Variants in LAPTM4A observed in about 807,000 individuals in gnomAD.
LAPTM4A encodes lysosomal-associated transmembrane protein 4A.
LAPTM4A carries 19 observed loss-of-function variants against 29.9 expected under a neutral mutation model. The ratio of observed to expected loss-of-function variants is 0.64; its 90% CI spans 0.44 to 0.93. LAPTM4A has a LOEUF of 0.93. Among genes scored for constraint, LAPTM4A ranks in the 40% least tolerant of loss-of-function variants. The pLI is 0.00. For missense variants in LAPTM4A, 293 were observed against 288.5 expected, an observed-to-expected ratio of 1.02 and a Z score of -0.11; for synonymous variants, 105 against 102.1, an observed-to-expected ratio of 1.03 and a Z score of -0.17.
intron 1 of LAPTM4A, among the ~76,000 whole-genome samples, chr2:20,041,816 G>A (rs561058359): frequency 4.6e-5 from 7 of 152,238 alleles, no homozygotes; most frequent in South Asian, 4.1e-4. Flanking sequence ...TATTACAGGC[G>A]TGAGCCACCA....
At chr2:20,048,982 CA>C (rs1387557069) in intron 1 of LAPTM4A, among the ~76,000 whole-genome samples, 1 of 152,182 alleles carries the variant, frequency 6.6e-6, no homozygotes, top group Admixed American at 6.5e-5. Context: ...TGAAAGTCAT[CA>C]ACAAAACTAT....
chr2:20,035,328 T>C (rs1365807416), intron 4 of LAPTM4A: 1 of 395,922 alleles, frequency 2.5e-6, no homozygotes, highest in Non-Finnish European at 4.7e-6. Context: ...CTTTTCACTA[T>C]TTTCCATCTT....
intron 1 of LAPTM4A, among the ~76,000 whole-genome samples, chr2:20,046,549 G>A (rs1673923250): frequency 6.6e-6 from 1 of 151,242 alleles, no homozygotes; most frequent in Non-Finnish European, 1.5e-5. Flanking sequence ...AGTAGTTACT[G>A]CGATCTAGGC....
intron 4 of LAPTM4A, among the ~76,000 whole-genome samples, chr2:20,035,798 A>C (rs567769763): frequency 5.2e-4 from 79 of 152,332 alleles, no homozygotes; most frequent in African/African-American, 1.8e-3. Context: ...TAAAAGGAAT[A>C]ATAAATTTTT....
intron 1 of LAPTM4A, among the ~76,000 whole-genome samples, chr2:20,048,665 GTAAAAAGAAACA>G (rs1673991038): frequency 6.6e-6 from 1 of 152,316 alleles, no homozygotes; most frequent in South Asian, 2.1e-4. Flanking sequence ...CCCACGTAAT[GTAAAAAGAAACA>G]TAAATATTCT....
chr2:20,033,750 C>T (rs1572395394), intron 6 of LAPTM4A, among the ~76,000 whole-genome samples: 1 of 152,310 alleles, frequency 6.6e-6, no homozygotes, highest in East Asian at 1.9e-4. Flanking sequence ...ACAGGCACAC[C>T]TATGCAGTGG....
At chr2:20,050,344 G>C (rs1292790620) in intron 1 of LAPTM4A, among the ~76,000 whole-genome samples, 2 of 152,172 alleles carry the variant, frequency 1.3e-5, no homozygotes, top group African/African-American at 4.8e-5. Flanking sequence ...AGCAAGTACA[G>C]AGAAAACAGA....
chr2:20,041,280 A>C (rs1488380414), intron 1 of LAPTM4A, among the ~76,000 whole-genome samples: 1 of 152,256 alleles, frequency 6.6e-6, no homozygotes, highest in Admixed American at 6.5e-5. Flanking sequence ...AAAACTAAAG[A>C]ATCATTACAA....
chr2:20,037,450 A>T lies in LAPTM4A; in HGVS notation c.310-12T>A. ...CAACCCACTTGATACTGGAGAAAAA[A>T]TAACAACCATAACATTGTATCACAT... On this transcript the variant is annotated splice_polypyrimidine_tract_variant and intron_variant, in intron 3 of 6. Transcript: ENST00000175091. 6.2e-7 allele frequency: 1 copy of T among 1,605,736 alleles called. No homozygotes were observed. The highest frequency in any genetic ancestry group is 8.5e-7 in the Non-Finnish European group (1 of 1,177,566).
At chr2:20,034,458 C>A in intron 5 of LAPTM4A, 43 bp from the exon 6 acceptor site, 1 of 1,279,332 alleles carries the variant, frequency 7.8e-7, no homozygotes, top group African/African-American at 1.5e-5. Flanking sequence ...AGAAACTCAA[C>A]AGACTACCTG....
chr2:20,035,943 A>G (rs1276848967), intron 4 of LAPTM4A, among the ~76,000 whole-genome samples: 1 of 152,180 alleles, frequency 6.6e-6, no homozygotes, highest in Non-Finnish European at 1.5e-5. Flanking sequence ...TGAAAAAAAT[A>G]GAAAAAAAAA....
intron 1 of LAPTM4A, among the ~76,000 whole-genome samples, chr2:20,047,457 G>C (rs1467577051): frequency 6.7e-6 from 1 of 148,694 alleles, no homozygotes; most frequent in East Asian, 2.0e-4. Context: ...TTGGGAGGCC[G>C]AGGCGGGTGG....
chr2:20,033,267 T>C lies in LAPTM4A; in HGVS notation c.640A>G (p.Thr214Ala), dbSNP rs763233533. Reference protein sequence around the residue: ...FEAPPQYVLPTYEMAVKMPEK... With the variant: ...FEAPPQYVLPAYEMAVKMPEK... Reference sequence around the variant, plus strand: ...GGCATTTTCACGGCCATTTCATAGGTTGGCAAAACGTACTAAAGAGAGAAA... The same window carrying C: ...GGCATTTTCACGGCCATTTCATAGGCTGGCAAAACGTACTAAAGAGAGAAA... Residue 214 changes from threonine (T) to alanine (A), a missense_variant, in exon 7 of 7, where the codon ACC (threonine) becomes GCC (alanine). Physicochemically the swap from Thr to Ala is moderately conservative, Grantham distance 58. Transcript: ENST00000175091. The C allele has an allele frequency of 9.9e-6, 16 of 1,613,966 alleles. No homozygotes were observed. In the South Asian group the frequency reaches 1.2e-4, roughly 12 times the overall value.
chr2:20,045,943 C>T (rs1673909305), intron 1 of LAPTM4A, among the ~76,000 whole-genome samples: 1 of 152,182 alleles, frequency 6.6e-6, no homozygotes. Flanking sequence ...GAGGGTCAAT[C>T]TACAGAACTA....
chr2:20,038,873 A>C (rs935366105), intron 2 of LAPTM4A, among the ~76,000 whole-genome samples: 1 of 152,156 alleles, frequency 6.6e-6, no homozygotes, highest in Non-Finnish European at 1.5e-5. Context: ...ATAATGATGA[A>C]TGACTAGAAC....
chr2:20,034,974 A>G lies in LAPTM4A; in HGVS notation c.521T>C (p.Ile174Thr), dbSNP rs779120078. 3.1e-6 allele frequency: 5 copies of G among 1,610,234 alleles called. No homozygotes were observed. The highest frequency in any genetic ancestry group is 1.1e-5 in the South Asian group (1 of 90,704). The change falls in exon 5 of 7, where the codon ATT (isoleucine) becomes ACT (threonine). Residue 174 changes from isoleucine (I) to threonine (T), a missense_variant. Physicochemically the swap from Ile to Thr is moderately conservative, Grantham distance 89. Transcript: ENST00000175091. ...ATTTAGTCAGCAACGTACCTTAAAA[A>G]TGATGAATAAGGCAAAGAACACAAG... ...IVLVFFALFI[I>T]FKAYLINCVW...
intron 1 of LAPTM4A, among the ~76,000 whole-genome samples, chr2:20,043,077 C>CTT (rs397870459): frequency 4.2e-4 from 60 of 141,668 alleles, no homozygotes; most frequent in African/African-American, 4.5e-4. Flanking sequence ...GTAGCTGGGA[C>CTT]TTTTTTTTTT....
In LAPTM4A at chr2:20,033,159, CA is replaced by C. The variant is rs1673599991; in HGVS notation, c.*45del. 2 of 1,479,904 alleles carry C rather than the reference CA, an allele frequency of 1.4e-6. No homozygotes were observed. Among genetic ancestry groups the C allele is most frequent in the Non-Finnish European group, 1.9e-6 (2 of 1,057,838 alleles). The allele number at this position is 1,479,904 out of a possible 1,614,324, so 91.7% of individuals were successfully genotyped here. ...GAATTGCAGCATTCTGTAACATAAA[CA>C]AACAAAAAGCTGGTATAGGATTTAT... On this transcript the variant is annotated 3_prime_UTR_variant, in exon 7 of 7. Coordinates refer to ENST00000175091, the MANE Select transcript of LAPTM4A (RefSeq NM_014713.5).
At chr2:20,046,817 A>G (rs139867021) in intron 1 of LAPTM4A, among the ~76,000 whole-genome samples, 5 of 145,474 alleles carry the variant, frequency 3.4e-5, no homozygotes, top group African/African-American at 1.3e-4. Context: ...TTTTTGGTAG[A>G]GAGGGGGTTT....
Sources: gnomAD v4.1 joint callset for allele counts (sites outside exome capture counted in the v4.1 genomes callset) on GRCh38, gnomAD v4.1.1 for gene constraint, MANE v1.5 for transcripts, NCBI Gene and HGNC (gene_info 2026-07-23, HGNC 2026-07-21) for gene names.